The following ADAMTS6 variants were observed in gnomAD, a reference collection of about 807,000 sequenced individuals.
The protein encoded by ADAMTS6 is A disintegrin and metalloproteinase with thrombospondin motifs 6.
Under a neutral mutation model 144.3 loss-of-function variants are expected in ADAMTS6, and 23 were observed. That is an observed-to-expected ratio of 0.16 (90% CI 0.11 to 0.23). The LOEUF (loss-of-function observed/expected upper bound fraction) is 0.23, where lower values mean the gene tolerates loss of function less well. ADAMTS6 is among the 10% of genes least tolerant of loss of function. The probability of loss-of-function intolerance (pLI) is 1.00; values close to 1 mark genes in which losing one functional copy is unlikely to be tolerated. For synonymous variants in ADAMTS6, 444 were observed against 457.5 expected (o/e 0.97, Z 0.38); for missense variants, 999 against 1,379.6 (o/e 0.72, Z 4.37).
chr5:65,187,504 A>C lies in ADAMTS6; in HGVS notation c.2910+512T>G, dbSNP rs942967953. Among the ~76,000 whole-genome samples the C allele has an allele frequency of 6.6e-5, 10 of 152,208 alleles. No individual in the cohort carries two copies. The East Asian group carries it at 1.9e-3, about 29-fold the overall frequency. On this transcript the variant is annotated intron_variant, in intron 22 of 24. Coordinates refer to ENST00000381055, the MANE Select transcript of ADAMTS6 (RefSeq NM_197941.4). ...ACATAAAATATATAGATAGGTCGTA[A>C]GTGATAATGAATTGATAACAATTCA...
intron 7 of ADAMTS6, among the ~76,000 whole-genome samples, chr5:65,357,347 T>G (rs1471017488): frequency 6.6e-6 from 1 of 151,526 alleles, no homozygotes; most frequent in Admixed American, 6.6e-5. Context: ...ATACCAAAAC[T>G]TATGGGATGC....
chr5:65,352,344 A>C (rs1439072890), intron 7 of ADAMTS6, among the ~76,000 whole-genome samples: 1 of 152,180 alleles, frequency 6.6e-6, no homozygotes, highest in Non-Finnish European at 1.5e-5. Flanking sequence ...CAAATTGACA[A>C]ATCAAAAACT....
At chr5:65,305,085 G>A (rs1743802253) in intron 9 of ADAMTS6, among the ~76,000 whole-genome samples, 1 of 151,952 alleles carries the variant, frequency 6.6e-6, no homozygotes, top group Non-Finnish European at 1.5e-5. Flanking sequence ...ATGCTGAAAT[G>A]TTTAGGAATA....
intron 14 of ADAMTS6, among the ~76,000 whole-genome samples, chr5:65,249,665 C>A (rs1759978252): frequency 6.6e-6 from 1 of 152,176 alleles, no homozygotes; most frequent in Non-Finnish European, 1.5e-5. Flanking sequence ...ATTGAGGTTG[C>A]TGCAGACCCA....
intron 7 of ADAMTS6, among the ~76,000 whole-genome samples, chr5:65,449,706 T>C (rs980441532): frequency 1.3e-5 from 2 of 152,130 alleles, no homozygotes; most frequent in Non-Finnish European, 2.9e-5. Context: ...CGAAGTAGCT[T>C]ACAAAAGCAA....
chr5:65,467,052 A>AG (rs1554096668), intron 3 of ADAMTS6, among the ~76,000 whole-genome samples: 1 of 151,728 alleles, frequency 6.6e-6, no homozygotes, highest in African/African-American at 2.4e-5. Context: ...AAAAAAAAAA[A>AG]GGACAGAATG....
intron 9 of ADAMTS6, among the ~76,000 whole-genome samples, chr5:65,307,297 T>C (rs1744028942): frequency 6.6e-6 from 1 of 152,192 alleles, no homozygotes; most frequent in Non-Finnish European, 1.5e-5. Context: ...GTCATCCCAC[T>C]GAGCAAAAAG....
At chr5:65,313,017 T>C (rs1175102404) in intron 9 of ADAMTS6, among the ~76,000 whole-genome samples, 1 of 152,088 alleles carries the variant, frequency 6.6e-6, no homozygotes, top group Non-Finnish European at 1.5e-5. Context: ...CAATGGTGTC[T>C]GCCTACAAAT....
At chr5:65,461,019 T>C (rs540933021) in intron 3 of ADAMTS6, among the ~76,000 whole-genome samples, 1 of 152,316 alleles carries the variant, frequency 6.6e-6, no homozygotes, top group Admixed American at 6.5e-5. Context: ...ATTCTGCAGA[T>C]GAAGTAACAG....
chr5:65,282,379 T>G (rs953523823), intron 11 of ADAMTS6, among the ~76,000 whole-genome samples: 4 of 152,028 alleles, frequency 2.6e-5, no homozygotes, highest in Non-Finnish European at 5.9e-5. Context: ...ATTGTGAAAA[T>G]CAAGGTTCTT....
intron 15 of ADAMTS6, among the ~76,000 whole-genome samples, chr5:65,232,332 A>C (rs1158438593): frequency 2.0e-5 from 3 of 152,170 alleles, no homozygotes; most frequent in African/African-American, 7.2e-5. Flanking sequence ...ACCTAACCCC[A>C]AAGTTAGAAG....
chr5:65,264,048 T>C (rs1761419509), intron 12 of ADAMTS6, among the ~76,000 whole-genome samples: 1 of 152,218 alleles, frequency 6.6e-6, no homozygotes, highest in Non-Finnish European at 1.5e-5. Flanking sequence ...GGAATTCTTT[T>C]ACTTTTCACC....
intron 24 of ADAMTS6, among the ~76,000 whole-genome samples, chr5:65,161,722 T>C (rs1249918175): frequency 6.6e-6 from 1 of 152,240 alleles, no homozygotes; most frequent in African/African-American, 2.4e-5. Flanking sequence ...AATTAGCTGC[T>C]GATTAAATGA....
chr5:65,274,546 T>C (rs1762304498), intron 11 of ADAMTS6, among the ~76,000 whole-genome samples: 1 of 152,182 alleles, frequency 6.6e-6, no homozygotes. Context: ...GAAATATCGA[T>C]GTCACTGGTT....
intron 15 of ADAMTS6, among the ~76,000 whole-genome samples, chr5:65,239,437 G>T (rs1317683379): frequency 6.6e-6 from 1 of 152,074 alleles, no homozygotes; most frequent in African/African-American, 2.4e-5. Flanking sequence ...TAAATGTAAG[G>T]ACTAAACAAT....
At chr5:65,252,199 C>T (rs912843119) in intron 14 of ADAMTS6, among the ~76,000 whole-genome samples, 6 of 152,078 alleles carry the variant, frequency 3.9e-5, no homozygotes, top group Non-Finnish European at 5.9e-5. Context: ...TTTTTGGTTG[C>T]GGATGTATCT....
intron 14 of ADAMTS6, among the ~76,000 whole-genome samples, chr5:65,249,593 G>A (rs140886327): frequency 1.5e-3 from 228 of 152,218 alleles, no homozygotes; most frequent in African/African-American, 5.3e-3. Context: ...TCTGAAACTT[G>A]CCTCAGTCTC....
At chr5:65,204,481 GC>G (rs34353937) in intron 20 of ADAMTS6, among the ~76,000 whole-genome samples, 1 of 152,126 alleles carries the variant, frequency 6.6e-6, no homozygotes, top group South Asian at 2.1e-4. Context: ...GTTCACAGGT[GC>G]CCTGTTATGA....
chr5:65,234,051 A>G (rs1593038), intron 15 of ADAMTS6, among the ~76,000 whole-genome samples: 88,536 of 148,280 alleles, frequency 0.6, 27,963 homozygotes, highest in African/African-American at 0.82. Flanking sequence ...TCAATAAGTG[A>G]TGCTGGGGAA....
Sources: gnomAD v4.1 joint callset for allele counts (sites outside exome capture counted in the v4.1 genomes callset) on GRCh38, gnomAD v4.1.1 for gene constraint, MANE v1.5 for transcripts, NCBI Gene and HGNC (gene_info 2026-07-23, HGNC 2026-07-21) for gene names.